Variants in GSE1 observed in about 807,000 individuals in gnomAD.
The protein encoded by GSE1 is genetic suppressor element 1.
GSE1 carries 32 observed loss-of-function variants against 112.6 expected under a neutral mutation model. The ratio of observed to expected loss-of-function variants is 0.28; its 90% CI spans 0.21 to 0.38. The LOEUF (loss-of-function observed/expected upper bound fraction) is 0.38. GSE1 is among the 10% of genes least tolerant of loss of function. The probability of loss-of-function intolerance (pLI) is 1.00; values close to 1 mark genes in which losing one functional copy is unlikely to be tolerated. For missense variants in GSE1, 2,348 were observed against 1,699.2 expected (o/e 1.38, Z -6.71); for synonymous variants, 1,115 against 735.6 (o/e 1.52, Z -8.35).
At chr16:85,242,042 C>A (rs989071553) in intron 1 of GSE1, among the ~76,000 whole-genome samples, 3 of 152,066 alleles carry the variant, frequency 2.0e-5, no homozygotes, top group African/African-American at 4.8e-5. Context: ...CCTGCCTCTG[C>A]CCTGAGCCCT....
At chr16:85,286,907 C>T (rs979100988) in intron 1 of GSE1, among the ~76,000 whole-genome samples, 3 of 152,208 alleles carry the variant, frequency 2.0e-5, no homozygotes, top group Admixed American at 6.5e-5. Flanking sequence ...GGGCTAGGGC[C>T]GGGTCGGAAG....
At chr16:85,613,211 G>A (rs1598381013), upstream of GSE1, 1 of 1,476,184 alleles carries the variant, frequency 6.8e-7, no homozygotes, top group Non-Finnish European at 9.0e-7. Context: ...TTGCGTTTGG[G>A]TGTGTCCTCG....
intron 1 of GSE1, among the ~76,000 whole-genome samples, chr16:85,301,215 C>T (rs770074114): frequency 5.9e-5 from 9 of 152,338 alleles, no homozygotes; most frequent in African/African-American, 9.6e-5. Context: ...CCTCCCAGGT[C>T]GAGCCCGTGT....
rs1283946578 is a variant in GSE1 at position 85,588,972 on chromosome 16, AAC to A, written c.37+32613_37+32614del. Among the ~76,000 whole-genome samples the A allele has an allele frequency of 4.6e-5, 7 of 152,220 alleles. No individual in the cohort carries two copies. The South Asian group carries it at 1.2e-3, about 27-fold the overall frequency. ...ACATATTCACACACACGTTCACACTAACACATGTTCACACATATACTCACACA... is the reference window on the plus strand; with the variant it reads ...ACATATTCACACACACGTTCACACTAACATGTTCACACATATACTCACACA... On this transcript the variant is annotated intron_variant, in intron 1 of 2. Coordinates refer to the GSE1 transcript ENST00000635906.
At chr16:85,213,405 A>G (rs2075259201) in intron 1 of GSE1, among the ~76,000 whole-genome samples, 1 of 152,186 alleles carries the variant, frequency 6.6e-6, no homozygotes, top group African/African-American at 2.4e-5. Context: ...GTGAGCTATC[A>G]TCGTGCCACT....
At chr16:85,592,487 C>T (rs1440061338) in intron 1 of GSE1, 2 of 152,234 alleles carry the variant, frequency 1.3e-5, no homozygotes, top group Non-Finnish European at 2.9e-5. Flanking sequence ...TTCCAAGTCA[C>T]AGAGGCCTTC....
intron 2 of GSE1, among the ~76,000 whole-genome samples, chr16:85,470,374 G>A (rs1212447906): frequency 6.6e-6 from 1 of 152,196 alleles, no homozygotes; most frequent in East Asian, 1.9e-4. Context: ...CAGAGCTGGG[G>A]CTCAGGCCTG....
intron 1 of GSE1, among the ~76,000 whole-genome samples, chr16:85,355,840 G>C (rs1469372367): frequency 6.6e-6 from 1 of 152,084 alleles, no homozygotes; most frequent in African/African-American, 2.4e-5. Flanking sequence ...GGCCAACATA[G>C]TGAAACCCCA....
At chr16:85,626,224 T>G (rs2049059815) in intron 1 of GSE1, among the ~76,000 whole-genome samples, 1 of 151,340 alleles carries the variant, frequency 6.6e-6, no homozygotes, top group Non-Finnish European at 1.5e-5. Flanking sequence ...GCCCCCTCCC[T>G]TGCCTCCACC....
upstream of GSE1, among the ~76,000 whole-genome samples, chr16:85,612,241 GGGGGC>G (rs537679893): frequency 0.06 from 9,020 of 151,400 alleles, 844 homozygotes; most frequent in African/African-American, 0.2. Context: ...GCGATGGGGT[GGGGGC>G]GGGGCGGGGC....
At chr16:85,280,740 C>T (rs866875992) in intron 1 of GSE1, among the ~76,000 whole-genome samples, 2 of 152,208 alleles carry the variant, frequency 1.3e-5, no homozygotes, top group South Asian at 2.1e-4. Context: ...CCATCCCTGC[C>T]GTCATTCTTT....
intron 1 of GSE1, among the ~76,000 whole-genome samples, chr16:85,629,361 C>T (rs1260072871): frequency 6.6e-6 from 1 of 152,358 alleles, no homozygotes; most frequent in Middle Eastern, 3.4e-3. Context: ...AGAGAATTGG[C>T]ATCTGCTCCC....
chr16:85,613,709 T>G (rs1224287534), intron 1 of GSE1, among the ~76,000 whole-genome samples: 55 of 10,892 alleles, frequency 5.0e-3, no homozygotes, highest in South Asian at 0.01. Flanking sequence ...GCAGGTAAAG[T>G]GGGGGGATGG....
chr16:85,297,049 T>G (rs1262205498), intron 1 of GSE1, among the ~76,000 whole-genome samples: 3 of 152,210 alleles, frequency 2.0e-5, no homozygotes, highest in African/African-American at 7.2e-5. Context: ...GTCCCAAGCC[T>G]TCAGAACAGT....
intron 1 of GSE1, among the ~76,000 whole-genome samples, chr16:85,260,150 G>T (rs917640778): frequency 6.6e-6 from 1 of 152,190 alleles, no homozygotes; most frequent in African/African-American, 2.4e-5. Flanking sequence ...ATCTTTGGTG[G>T]CGCTTCCAGA....
chr16:85,209,742 C>T (rs994847601), intron 1 of GSE1, among the ~76,000 whole-genome samples: 7 of 152,190 alleles, frequency 4.6e-5, no homozygotes, highest in African/African-American at 1.2e-4. Context: ...TCTGGCAGGC[C>T]GCCTGACGTT....
chr16:85,541,895 C>T (rs747095565), intron 2 of GSE1, among the ~76,000 whole-genome samples: 11 of 152,178 alleles, frequency 7.2e-5, no homozygotes, highest in South Asian at 6.2e-4. Context: ...GCACTGGGAA[C>T]GGGCTGAGCA....
chr16:85,561,153 G>A (rs1000192720), intron 1 of GSE1, among the ~76,000 whole-genome samples: 5 of 151,908 alleles, frequency 3.3e-5, no homozygotes, highest in Non-Finnish European at 7.4e-5. Flanking sequence ...AATTATTCAT[G>A]AGGAAGAGGC....
chr16:85,376,905 C>T (rs2047433037), intron 2 of GSE1, among the ~76,000 whole-genome samples: 1 of 152,232 alleles, frequency 6.6e-6, no homozygotes, highest in Admixed American at 6.5e-5. Flanking sequence ...CCGCACACCG[C>T]ACACCCGGCC....
Sources: gnomAD v4.1 joint callset for allele counts (sites outside exome capture counted in the v4.1 genomes callset) on GRCh38, gnomAD v4.1.1 for gene constraint, MANE v1.5 for transcripts, NCBI Gene and HGNC (gene_info 2026-07-23, HGNC 2026-07-21) for gene names.